Variants in OPN5 observed in about 807,000 individuals in gnomAD.
The protein encoded by OPN5 is opsin-5.
A neutral mutation model predicts 41.7 loss-of-function variants in OPN5; 18 were observed. That is an observed-to-expected ratio of 0.43 (90% CI 0.30 to 0.64). The LOEUF (loss-of-function observed/expected upper bound fraction) is 0.64, where lower values mean the gene tolerates loss of function less well. Among genes scored for constraint, OPN5 ranks in the 30% least tolerant of loss-of-function variants. The pLI, the probability that OPN5 is intolerant of heterozygous loss-of-function variation, is 0.13. For missense variants in OPN5, 318 were observed against 434.5 expected (o/e 0.73, Z 2.38); for synonymous variants, 178 against 164.3 (o/e 1.08, Z -0.64).
chr6:47,786,760 A>G (rs1244882976), intron 2 of OPN5, 126 bp downstream of exon 2: 1 of 835,344 alleles, frequency 1.2e-6, no homozygotes, highest in Non-Finnish European at 1.8e-6. Context: ...TTCGCTTCAC[A>G]AATCAACTTT....
chr6:47,788,329 A>G (rs777356672), intron 2 of OPN5, among the ~76,000 whole-genome samples: 18 of 152,226 alleles, frequency 1.2e-4, no homozygotes, highest in Non-Finnish European at 2.6e-4. Flanking sequence ...TGAATGAAAC[A>G]TGTCATTCCA....
At chr6:47,806,946 T>C (rs921460631) in intron 4 of OPN5, among the ~76,000 whole-genome samples, 1 of 152,116 alleles carries the variant, frequency 6.6e-6, no homozygotes, top group African/African-American at 2.4e-5. Flanking sequence ...TCACCTAAGG[T>C]CGGGAGTTCG....
At chr6:47,805,861 C>T (rs9463359) in intron 4 of OPN5, among the ~76,000 whole-genome samples, 20,489 of 151,998 alleles carry the variant, frequency 0.13, 1,466 homozygotes, top group Middle Eastern at 0.16. Context: ...AAGTTGGGGA[C>T]GGGAGTAAAA....
intron 6 of OPN5, among the ~76,000 whole-genome samples, chr6:47,814,974 A>T (rs954397632): frequency 6.6e-6 from 1 of 152,140 alleles, no homozygotes; most frequent in Admixed American, 6.6e-5. Flanking sequence ...TAAACCAAGA[A>T]TATAAAATCC....
At chr6:47,804,384 T>A (rs1273691599) in intron 4 of OPN5, among the ~76,000 whole-genome samples, 1 of 152,148 alleles carries the variant, frequency 6.6e-6, no homozygotes, top group Non-Finnish European at 1.5e-5. Context: ...TAAGGATATC[T>A]GGAATGGAAA....
intron 2 of OPN5, 32 bp from the exon 3 acceptor site, chr6:47,791,770 A>T: frequency 6.2e-7 from 1 of 1,607,670 alleles, no homozygotes; most frequent in Non-Finnish European, 8.5e-7. Context: ...TAACCAGAGG[A>T]ACGTCTGTTG....
At chr6:47,810,893 A>G (rs1352705273) in intron 5 of OPN5, among the ~76,000 whole-genome samples, 1 of 152,170 alleles carries the variant, frequency 6.6e-6, no homozygotes, top group African/African-American at 2.4e-5. Flanking sequence ...GGAATTTTGA[A>G]AAATGACTGC....
At chr6:47,816,318 T>A (rs769613634) in intron 6 of OPN5, among the ~76,000 whole-genome samples, 4 of 152,068 alleles carry the variant, frequency 2.6e-5, no homozygotes, top group African/African-American at 4.8e-5. Context: ...GACCTATAGG[T>A]TTACTTTGAT....
intron 5 of OPN5, among the ~76,000 whole-genome samples, chr6:47,809,899 G>A (rs1025551908): frequency 6.6e-6 from 1 of 152,218 alleles, no homozygotes; most frequent in African/African-American, 2.4e-5. Flanking sequence ...TTCATCTGAA[G>A]GAGATGGGAG....
At chr6:47,784,265 C>T (rs963760314) in intron 1 of OPN5, among the ~76,000 whole-genome samples, 3 of 151,144 alleles carry the variant, frequency 2.0e-5, no homozygotes, top group African/African-American at 7.3e-5. Flanking sequence ...CTGGTTTTCA[C>T]TCTCCTAGAA....
At chr6:47,786,692 A>C in intron 2 of OPN5, 58 bp downstream of exon 2, 2 of 1,504,444 alleles carry the variant, frequency 1.3e-6, no homozygotes, top group East Asian at 4.5e-5. Flanking sequence ...ATTCTAAAGT[A>C]CTCACTGTCT....
At chr6:47,784,956 A>T (rs1773160943) in intron 1 of OPN5, among the ~76,000 whole-genome samples, 1 of 152,192 alleles carries the variant, frequency 6.6e-6, no homozygotes, top group African/African-American at 2.4e-5. Context: ...TAACATATAT[A>T]TATTGCTTGT....
chr6:47,790,381 C>T (rs1773330682), intron 2 of OPN5, among the ~76,000 whole-genome samples: 1 of 152,118 alleles, frequency 6.6e-6, no homozygotes, highest in Admixed American at 6.6e-5. Context: ...CCTACTTCCC[C>T]TTCAGGGGAC....
At chr6:47,802,709 C>A (rs1561897930) in intron 4 of OPN5, among the ~76,000 whole-genome samples, 1 of 152,162 alleles carries the variant, frequency 6.6e-6, no homozygotes. Flanking sequence ...ACAGTGAAGT[C>A]TCTCCTGTTT....
At chr6:47,786,754 C>A in intron 2 of OPN5, 120 bp downstream of exon 2, 1 of 847,362 alleles carries the variant, frequency 1.2e-6, no homozygotes, top group South Asian at 2.0e-5. Flanking sequence ...CCACTCTTCG[C>A]TTCACAAATC....
At position 47,782,100 on chromosome 6, in the gene OPN5, G is replaced by T; in HGVS notation, c.34G>T (p.Glu12Ter). ...AAATCACACTGCCCTGCCTCAGGAC[G>T]AGCGCCTGCCCCATTACCTTCGAGA... Residue 12 changes from glutamate (E) to a stop codon, truncating the protein, a stop_gained, in exon 1 of 7, where the codon GAG (glutamate) becomes TAG (stop). Coordinates refer to ENST00000371211, the Ensembl canonical transcript of OPN5. LOFTEE classifies it high-confidence loss of function. 6.2e-7 allele frequency: 1 copy of T among 1,613,550 alleles called. No homozygotes were observed. The highest frequency in any genetic ancestry group is 8.5e-7 in the Non-Finnish European group (1 of 1,179,634).
At chr6:47,811,105 G>A (rs950266770) in intron 5 of OPN5, among the ~76,000 whole-genome samples, 3 of 152,136 alleles carry the variant, frequency 2.0e-5, no homozygotes, top group Non-Finnish European at 4.4e-5. Flanking sequence ...GGCCACCTAT[G>A]GGCAGTGACA....
intron 4 of OPN5, among the ~76,000 whole-genome samples, chr6:47,798,849 A>G (rs1004465802): frequency 1.8e-4 from 27 of 152,230 alleles, no homozygotes; most frequent in Middle Eastern, 3.4e-3. Context: ...ACAGCCTTAG[A>G]AACCTTTTTG....
At chr6:47,811,294 A>G (rs1182099253) in intron 5 of OPN5, among the ~76,000 whole-genome samples, 1 of 152,152 alleles carries the variant, frequency 6.6e-6, no homozygotes. Flanking sequence ...TTGCTATCAT[A>G]ATCAAACCTC....
Sources: gnomAD v4.1 joint callset for allele counts (sites outside exome capture counted in the v4.1 genomes callset) on GRCh38, gnomAD v4.1.1 for gene constraint, MANE v1.5 for transcripts, NCBI Gene and HGNC (gene_info 2026-07-23, HGNC 2026-07-21) for gene names.